The following FAIM variants were observed in gnomAD, a reference collection of about 807,000 sequenced individuals.
FAIM encodes Fas apoptotic inhibitory molecule.
FAIM carries 14 observed loss-of-function variants against 21.2 expected under a neutral mutation model. That is an observed-to-expected ratio of 0.66 (90% CI 0.44 to 1.03). The LOEUF is 1.03. FAIM is among the 50% of genes least tolerant of loss of function. The probability of loss-of-function intolerance (pLI) is 0.00; values close to 1 mark genes in which losing one functional copy is unlikely to be tolerated. For synonymous variants in FAIM, 86 were observed against 80.4 expected (o/e 1.07, Z -0.37); for missense variants, 222 against 247.1 (o/e 0.90, Z 0.68).
intron 5 of FAIM, chr3:138,629,647 C>A (rs1353883946): frequency 6.6e-6 from 1 of 152,238 alleles, no homozygotes. Flanking sequence ...ACCATACACT[C>A]AAAGCAGATG....
intron 1 of FAIM, among the ~76,000 whole-genome samples, chr3:138,609,621 C>G (rs1212710396): frequency 7.3e-6 from 1 of 137,628 alleles, no homozygotes; most frequent in African/African-American, 2.8e-5. Context: ...TCGACTCTCT[C>G]TCTCTCTCTC....
intron 4 of FAIM, among the ~76,000 whole-genome samples, chr3:138,623,557 C>T (rs760980762): frequency 1.6e-4 from 25 of 152,070 alleles, no homozygotes; most frequent in Non-Finnish European, 3.1e-4. Context: ...TTTGTAGAGA[C>T]AGGGTCTTGC....
At chr3:138,609,616 T>A (rs1307856183) in intron 1 of FAIM, among the ~76,000 whole-genome samples, 1 of 102,680 alleles carries the variant, frequency 9.7e-6, no homozygotes, top group Non-Finnish European at 1.9e-5. Flanking sequence ...CTCTCTCGAC[T>A]CTCTCTCTCT....
At chr3:138,619,091 C>T (rs973229135) in intron 1 of FAIM, among the ~76,000 whole-genome samples, 2 of 152,144 alleles carry the variant, frequency 1.3e-5, no homozygotes, top group Non-Finnish European at 2.9e-5. Context: ...ATTAAATGGG[C>T]TTAAGTAAGG....
At chr3:138,611,266 T>C (rs1341918757) in intron 1 of FAIM, among the ~76,000 whole-genome samples, 1 of 151,970 alleles carries the variant, frequency 6.6e-6, no homozygotes, top group Non-Finnish European at 1.5e-5. Context: ...ACCTGCATTT[T>C]TTTTTCTTTT....
chr3:138,615,614 T>C (rs2042817957), intron 1 of FAIM, among the ~76,000 whole-genome samples: 1 of 152,228 alleles, frequency 6.6e-6, no homozygotes, highest in African/African-American at 2.4e-5. Context: ...ATCTCTATTT[T>C]ATTTCATGTT....
chr3:138,626,097 C>T (rs2042936529), intron 4 of FAIM, among the ~76,000 whole-genome samples: 1 of 152,150 alleles, frequency 6.6e-6, no homozygotes, highest in African/African-American at 2.4e-5. Flanking sequence ...ATAACCTGCT[C>T]AGGACTCACC....
At chr3:138,631,280 G>C (rs1243584336) in intron 5 of FAIM, 1 of 151,720 alleles carries the variant, frequency 6.6e-6, no homozygotes, top group Non-Finnish European at 1.5e-5. Flanking sequence ...AGCTGTGTAT[G>C]GTGGTGTGTA....
chr3:138,612,899 T>C (rs1323566125), intron 1 of FAIM, among the ~76,000 whole-genome samples: 4 of 152,172 alleles, frequency 2.6e-5, no homozygotes, highest in Admixed American at 6.5e-5. Context: ...TTGTATTTCA[T>C]TGTTGTTTTG....
In FAIM at chr3:138,609,748, T is replaced by C. The variant is rs374963928; in HGVS notation, c.-17+811T>C. 5.9e-5 allele frequency among the ~76,000 whole-genome samples: 9 copies of C among 151,962 alleles called. No individual in the cohort carries two copies. In the East Asian group the frequency reaches 1.7e-3, roughly 29 times the overall value. On this transcript the variant is annotated intron_variant, in intron 1 of 5. Transcript: ENST00000360570. ...TGTAGTTTCTCCCTGATGGTGAGCG[T>C]ACAAGTGGTTTTCAGTTTTTAGTTA...
chr3:138,609,307 C>G (rs2042725279), intron 1 of FAIM, among the ~76,000 whole-genome samples: 1 of 151,708 alleles, frequency 6.6e-6, no homozygotes, highest in African/African-American at 2.4e-5. Flanking sequence ...GAGGCCCTGC[C>G]CCGCGACCTG....
chr3:138,623,435 G>C (rs941216472), intron 4 of FAIM, among the ~76,000 whole-genome samples: 1 of 152,136 alleles, frequency 6.6e-6, no homozygotes, highest in African/African-American at 2.4e-5. Flanking sequence ...GCATGAACAT[G>C]GCTCACTGCA....
At chr3:138,625,936 G>A (rs1023646149) in intron 4 of FAIM, among the ~76,000 whole-genome samples, 4 of 152,278 alleles carry the variant, frequency 2.6e-5, no homozygotes, top group Admixed American at 2.6e-4. Flanking sequence ...AACAGGGTTG[G>A]TTAGCATTCT....
chr3:138,625,326 G>A (rs1238587716), intron 4 of FAIM, among the ~76,000 whole-genome samples: 1 of 151,168 alleles, frequency 6.6e-6, no homozygotes, highest in Admixed American at 6.6e-5. Flanking sequence ...AGCTGGGCGT[G>A]GTGGTGGGCA....
chr3:138,614,748 C>T lies in FAIM; in HGVS notation c.-16-4963C>T, dbSNP rs538531262. Among the ~76,000 whole-genome samples the T allele has an allele frequency of 2.6e-5, 4 of 152,204 alleles. No homozygotes were observed. The South Asian group carries it at 8.3e-4, about 32-fold the overall frequency. On this transcript the variant is annotated intron_variant, in intron 1 of 5. Coordinates refer to ENST00000360570, the MANE Select transcript of FAIM (RefSeq NM_001033031.2). ...TTGAGCCCACAAATTCAAGACCAGC[C>T]TAGGTAACATGGTGAAACCTCATAT...
chr3:138,621,417 A>G lies in FAIM; in HGVS notation c.55A>G (p.Ser19Gly). 3.7e-6 allele frequency: 6 copies of G among 1,613,958 alleles called. No individual in the cohort carries two copies. The highest frequency in any genetic ancestry group is 5.1e-6 in the Non-Finnish European group (6 of 1,179,928). ...IFEDDESPPYSLEKMTDLVAV... is the reference protein window; with the variant it reads ...IFEDDESPPYGLEKMTDLVAV... The stretch of plus-strand genomic sequence containing the variant: ...ATTTTATTCCTTTAGCCCTCCTTAC[A>G]GCCTAGAAAAAATGACAGATCTCGT... Residue 19 changes from serine to glycine, a missense_variant, in exon 3 of 6, where the codon AGC becomes GGC. Coordinates refer to ENST00000360570, the MANE Select transcript of FAIM (RefSeq NM_001033031.2).
intron 5 of FAIM, chr3:138,629,560 T>C (rs1445296177): frequency 6.4e-6 from 1 of 156,558 alleles, no homozygotes; most frequent in Non-Finnish European, 1.4e-5. Flanking sequence ...GGAATCTTGT[T>C]AAAATGCTAA....
At chr3:138,628,524 G>A (rs1048681765) in intron 4 of FAIM, among the ~76,000 whole-genome samples, 9 of 150,896 alleles carry the variant, frequency 6.0e-5, no homozygotes, top group Middle Eastern at 3.5e-3. Context: ...TTTCTCTGTT[G>A]CCCAGGCTAG....
Position 138,632,291 on chromosome 3 carries a change from TA to T in FAIM, c.457-638del, listed in dbSNP as rs2043013927. Among the ~76,000 whole-genome samples, 2 of 151,982 alleles carry T rather than the reference TA, an allele frequency of 1.3e-5. 1 individual carries two copies. Among genetic ancestry groups the T allele is most frequent in the South Asian group, 4.2e-4 (2 of 4,812 alleles). ...TTAACATGTAATCAGTATAAAAAGTTATTTTATACATTTTTTTGTTTCATAC... is the reference window on the plus strand; with the variant it reads ...TTAACATGTAATCAGTATAAAAAGTTTTTTATACATTTTTTTGTTTCATAC... On this transcript the variant is annotated intron_variant, in intron 5 of 5. Transcript: ENST00000360570.
Sources: allele counts gnomAD v4.1 joint callset (sites outside exome capture counted in the v4.1 genomes callset), GRCh38; gene constraint gnomAD v4.1.1; transcripts MANE v1.5; gene names NCBI Gene and HGNC (gene_info 2026-07-23, HGNC 2026-07-21).